The following KATNIP variants were observed in gnomAD, a reference collection of about 807,000 sequenced individuals.
The protein encoded by KATNIP is katanin interacting protein.
KATNIP carries 126 observed loss-of-function variants against 174.0 expected under a neutral mutation model. The observed-to-expected ratio is 0.72, with a 90% confidence interval of 0.63 to 0.84. The LOEUF is 0.84. Among genes scored for constraint, KATNIP ranks in the 40% least tolerant of loss-of-function variants. KATNIP has a pLI of 0.00. For synonymous variants in KATNIP, 810 were observed against 835.7 expected, an observed-to-expected ratio of 0.97 and a Z score of 0.53; for missense variants, 1,958 against 2,109.7, an observed-to-expected ratio of 0.93 and a Z score of 1.41.
intron 6 of KATNIP, among the ~76,000 whole-genome samples, chr16:27,677,094 A>G (rs1401183652): frequency 6.6e-6 from 1 of 152,220 alleles, no homozygotes; most frequent in East Asian, 1.9e-4. Context: ...GCCATAAGGA[A>G]TCTACAATTT....
At chr16:27,678,055 G>A in intron 7 of KATNIP, 59 bp downstream of exon 7, 12 of 1,567,754 alleles carry the variant, frequency 7.7e-6, no homozygotes, top group Non-Finnish European at 1.0e-5. Context: ...CTAATAGCAG[G>A]ACTTAAACTT....
At chr16:27,626,966 A>G (rs1157880238) in intron 3 of KATNIP, among the ~76,000 whole-genome samples, 1 of 141,870 alleles carries the variant, frequency 7.0e-6, no homozygotes. Flanking sequence ...CTCCGTCTCA[A>G]AAAAAAAAAA....
chr16:27,621,966 T>C (rs1259887966), intron 3 of KATNIP, among the ~76,000 whole-genome samples: 1 of 152,052 alleles, frequency 6.6e-6, no homozygotes, highest in Admixed American at 6.5e-5. Context: ...TTTAGAGGGG[T>C]CATACATCCT....
At chr16:27,739,589 C>T (rs2081024831) in intron 14 of KATNIP, among the ~76,000 whole-genome samples, 2 of 152,088 alleles carry the variant, frequency 1.3e-5, no homozygotes, top group South Asian at 2.1e-4. Context: ...GGCTTTTCGA[C>T]GCAGATGGTC....
chr16:27,701,145 T>C (rs1252202087), intron 10 of KATNIP, among the ~76,000 whole-genome samples: 1 of 151,982 alleles, frequency 6.6e-6, no homozygotes, highest in South Asian at 2.1e-4. Context: ...GTTGAGATGG[T>C]GAGAGGATTT....
At chr16:27,774,774 C>G in intron 23 of KATNIP, among the ~76,000 whole-genome samples, 171 bp from the exon 24 acceptor site, 1 of 152,128 alleles carries the variant, frequency 6.6e-6, no homozygotes, top group Middle Eastern at 3.2e-3. Flanking sequence ...CCCTTGGGCC[C>G]GGCACTCCCC....
At chr16:27,639,405 A>G (rs146279806) in intron 5 of KATNIP, among the ~76,000 whole-genome samples, 3 of 152,324 alleles carry the variant, frequency 2.0e-5, no homozygotes, top group African/African-American at 7.2e-5. Context: ...CTGTGGATTA[A>G]GATTTATGGC....
intron 8 of KATNIP, among the ~76,000 whole-genome samples, chr16:27,697,762 A>G (rs1262966889): frequency 2.0e-5 from 3 of 152,066 alleles, no homozygotes; most frequent in African/African-American, 7.2e-5. Context: ...AGTTGCAGAC[A>G]TCATTCCCCT....
intron 22 of KATNIP, 90 bp from the exon 23 acceptor site, chr16:27,773,009 C>T (rs2082363868): frequency 2.7e-6 from 2 of 728,184 alleles, no homozygotes; most frequent in Non-Finnish European, 2.3e-6. Context: ...TCAACATAAA[C>T]CCAAAACAAT....
chr16:27,774,092 G>A (rs76508753), intron 23 of KATNIP, among the ~76,000 whole-genome samples: 9 of 152,150 alleles, frequency 5.9e-5, no homozygotes, highest in South Asian at 2.1e-4. Context: ...TGGCCCCCTC[G>A]GATCTTGAAT....
chr16:27,713,830 A>ATATC (rs2079785283), intron 13 of KATNIP, among the ~76,000 whole-genome samples: 1 of 69,146 alleles, frequency 1.4e-5, no homozygotes, highest in Non-Finnish European at 2.7e-5. Flanking sequence ...ATATATATAT[A>ATATC]TATATATATA....
intron 1 of KATNIP, among the ~76,000 whole-genome samples, chr16:27,555,552 TG>T (rs2089585060): frequency 6.6e-6 from 1 of 152,164 alleles, no homozygotes; most frequent in South Asian, 2.1e-4. Flanking sequence ...AAAATGTTCC[TG>T]GCTGGGCGCG....
chr16:27,563,484 G>A (rs898007566), intron 1 of KATNIP, among the ~76,000 whole-genome samples: 2 of 152,078 alleles, frequency 1.3e-5, no homozygotes, highest in African/African-American at 2.4e-5. Flanking sequence ...CACCACTGCA[G>A]TCCAGCCTGG....
At position 27,631,145 on chromosome 16, in the gene KATNIP, C is replaced by T. The variant is rs372168923; in HGVS notation, c.391C>T (p.Arg131Cys). The T allele has an allele frequency of 4.8e-5, 75 of 1,569,616 alleles. No homozygotes were observed. In the African/African-American group the frequency reaches 7.3e-4, roughly 15 times the overall value. The stretch of plus-strand genomic sequence containing the variant: ...ACGGACAGCCCCCAGTAAAGTCCAG[C>T]GCCGAGGATGGCACCAGGTCTGGAG... ...SSRTAPSKVQ[R>C]RGWHQKSVQI... Residue 131 changes from arginine (R) to cysteine (C), a missense_variant, in exon 5 of 28, where the codon CGC (arginine) becomes TGC (cysteine). Physicochemically the swap from Arg to Cys is radical, Grantham distance 180. Around this residue, in one of 3 missense-constraint regions of KATNIP, gnomAD observed 1,557 missense variants for 1,617.8 expected, o/e 0.96. Coordinates refer to ENST00000261588, the MANE Select transcript of KATNIP (RefSeq NM_015202.5).
intron 3 of KATNIP, among the ~76,000 whole-genome samples, chr16:27,623,366 A>G (rs1423882138): frequency 6.6e-6 from 1 of 152,212 alleles, no homozygotes; most frequent in Non-Finnish European, 1.5e-5. Context: ...AAGTGAGACA[A>G]GGCCCTTGAA....
At chr16:27,733,031 C>G (rs527864110) in intron 14 of KATNIP, among the ~76,000 whole-genome samples, 1 of 152,344 alleles carries the variant, frequency 6.6e-6, no homozygotes, top group East Asian at 1.9e-4. Context: ...TTTGCCTTAA[C>G]GGACCCACCT....
At chr16:27,704,484 T>C (rs930392223) in intron 12 of KATNIP, among the ~76,000 whole-genome samples, 9 of 152,206 alleles carry the variant, frequency 5.9e-5, no homozygotes, top group East Asian at 1.9e-4. Flanking sequence ...GAAACACTTA[T>C]GTCTTTCCGC....
chr16:27,672,265 T>C (rs1256740100), intron 6 of KATNIP, among the ~76,000 whole-genome samples: 3 of 152,060 alleles, frequency 2.0e-5, no homozygotes, highest in African/African-American at 7.2e-5. Flanking sequence ...TCTCTGCTGT[T>C]CCTACCCCCA....
chr16:27,694,880 C>G (rs2078863119), intron 8 of KATNIP, among the ~76,000 whole-genome samples: 1 of 152,200 alleles, frequency 6.6e-6, no homozygotes, highest in Non-Finnish European at 1.5e-5. Context: ...CAGGTCAACT[C>G]AGCAGCTCTG....
Sources: allele counts gnomAD v4.1 joint callset (sites outside exome capture counted in the v4.1 genomes callset), GRCh38; gene constraint gnomAD v4.1.1; regional missense constraint gnomAD v4.1.1; transcripts MANE v1.5; gene names NCBI Gene and HGNC (gene_info 2026-07-23, HGNC 2026-07-21).